Variants in SERPINB10 observed in about 807,000 individuals in gnomAD.
The protein encoded by SERPINB10 is serpin family B member 10.
In SERPINB10, 35 loss-of-function variants were observed where a neutral mutation model predicts 39.1. That is an observed-to-expected ratio of 0.90 (90% CI 0.68 to 1.19). The LOEUF (loss-of-function observed/expected upper bound fraction) is 1.19, where lower values mean the gene tolerates loss of function less well. SERPINB10 is among the 50% of genes most tolerant of loss of function. The pLI, the probability that SERPINB10 is intolerant of heterozygous loss-of-function variation, is 0.00. For synonymous variants in SERPINB10, 190 were observed against 158.1 expected, an observed-to-expected ratio of 1.20 and a Z score of -1.52; for missense variants, 546 against 460.5, an observed-to-expected ratio of 1.19 and a Z score of -1.70.
Position 63,917,973 on chromosome 18 carries a change from CT to C in SERPINB10, c.245del (p.Leu82Ter), listed in dbSNP as rs774038097. ...TTCCTTCTCTTTTAAAGGAATTCAA[CT>C]TGAGCAACTCGGAAGAAATACACTC... Reference protein sequence around the residue: ...SEKKRKMEFNLSNSEEIHSDF... With the variant: ...SEKKRKMEFNXSNSEEIHSDF... On this transcript the variant is annotated frameshift_variant, in exon 4 of 8. Transcript: ENST00000238508. LOFTEE classifies it high-confidence loss of function. 3 of 1,611,518 alleles carry C rather than the reference CT, an allele frequency of 1.9e-6. No individual in the cohort carries two copies. In the Admixed American group the frequency reaches 5.0e-5, roughly 27 times the overall value.
intron 5 of SERPINB10, among the ~76,000 whole-genome samples, chr18:63,928,947 T>C (rs1445456502): frequency 6.6e-6 from 1 of 152,156 alleles, no homozygotes; most frequent in African/African-American, 2.4e-5. Flanking sequence ...TCAATTTCGG[T>C]GGCCTATGTG....
At chr18:63,933,872 C>G (rs928828676) in intron 7 of SERPINB10, among the ~76,000 whole-genome samples, 20 of 152,180 alleles carry the variant, frequency 1.3e-4, no homozygotes, top group Non-Finnish European at 2.2e-4. Flanking sequence ...TGCACAGTGT[C>G]TAATTTTTCA....
intron 5 of SERPINB10, among the ~76,000 whole-genome samples, chr18:63,928,109 A>G (rs2050193459): frequency 6.6e-6 from 1 of 151,818 alleles, no homozygotes; most frequent in African/African-American, 2.4e-5. Context: ...TTGAGATTCT[A>G]TTAATATTTT....
intron 1 of SERPINB10, among the ~76,000 whole-genome samples, chr18:63,911,943 T>A (rs9957913): frequency 0.21 from 31,551 of 149,794 alleles, 3,379 homozygotes; most frequent in Admixed American, 0.31. Context: ...GTATTATTTA[T>A]GATTTTTAGC....
intron 2 of SERPINB10, 45 bp downstream of exon 2, chr18:63,915,723 T>G (rs752059664): frequency 2.7e-6 from 4 of 1,484,020 alleles, no homozygotes; most frequent in Non-Finnish European, 3.7e-6. Context: ...GTAAGCTAAG[T>G]GCTTTCATTG....
At chr18:63,921,693 A>G (rs1410941078) in intron 5 of SERPINB10, among the ~76,000 whole-genome samples, 1 of 151,898 alleles carries the variant, frequency 6.6e-6, no homozygotes, top group Non-Finnish European at 1.5e-5. Context: ...AAACTGATTC[A>G]TGCTGCCCCA....
At chr18:63,921,095 T>C (rs1018663089) in intron 5 of SERPINB10, among the ~76,000 whole-genome samples, 1 of 152,008 alleles carries the variant, frequency 6.6e-6, no homozygotes, top group South Asian at 2.1e-4. Context: ...AACATTTCAA[T>C]TGATATTATA....
At position 63,924,402 on chromosome 18, in the gene SERPINB10, G is replaced by A. The variant is rs1298299055; in HGVS notation, c.490+4497G>A. Among the ~76,000 whole-genome samples, 4 of 151,876 alleles carry A rather than the reference G, an allele frequency of 2.6e-5. No homozygotes were observed. In the East Asian group the frequency reaches 7.8e-4, roughly 29 times the overall value. ...GCTAATGTATTTGTAGCCCATTGCTGGTACCCAGGGAGGTATAGAAAGTCA... is the reference window on the plus strand; with the variant it reads ...GCTAATGTATTTGTAGCCCATTGCTAGTACCCAGGGAGGTATAGAAAGTCA... On this transcript the variant is annotated intron_variant, in intron 5 of 7. Coordinates refer to ENST00000238508, the MANE Select transcript of SERPINB10 (RefSeq NM_005024.3).
rs771293084 is a variant in SERPINB10 at position 63,911,966 on chromosome 18, T to TA, written c.-9-3535dup. Among the ~76,000 whole-genome samples the TA allele has an allele frequency of 2.8e-4, 43 of 152,106 alleles. 1 individual carries two copies. The highest frequency in any genetic ancestry group is 1.5e-3 in the South Asian group (7 of 4,826). On this transcript the variant is annotated intron_variant, in intron 1 of 7. Coordinates refer to ENST00000238508, the MANE Select transcript of SERPINB10 (RefSeq NM_005024.3). ...TATGATTTTTAGCAGTGTTTTTTTT[T>TA]ACCTCACTTTGTAGAGATCTTTCAA...
At chr18:63,929,474 T>C (rs927528127) in intron 5 of SERPINB10, among the ~76,000 whole-genome samples, 2 of 151,934 alleles carry the variant, frequency 1.3e-5, no homozygotes, top group African/African-American at 2.4e-5. Flanking sequence ...ATATTAACAA[T>C]GACATAAAGG....
At chr18:63,915,156 G>C (rs2050092104) in intron 1 of SERPINB10, among the ~76,000 whole-genome samples, 1 of 152,060 alleles carries the variant, frequency 6.6e-6, no homozygotes, top group Non-Finnish European at 1.5e-5. Context: ...GCTTATGCTG[G>C]AGTTGGAAAA....
Position 63,936,105 on chromosome 18 carries a change from A to T in SERPINB10, c.*863A>T, listed in dbSNP as rs1476005168. 6.6e-6 allele frequency: 1 copy of T among 152,244 alleles called. No individual in the cohort carries two copies. The highest frequency in any genetic ancestry group is 2.4e-5 in the African/African-American group (1 of 41,466). The allele number at this position is 152,244 out of a possible 1,614,324, so 9.4% of individuals were successfully genotyped here. ...ATTATTCCAAAATAAAAGTTTTATTAAAAATAGTCATTATGGATGGCTGAA... is the reference window on the plus strand; with the variant it reads ...ATTATTCCAAAATAAAAGTTTTATTTAAAATAGTCATTATGGATGGCTGAA... On this transcript the variant is annotated 3_prime_UTR_variant, in exon 8 of 8. Transcript: ENST00000238508.
intron 4 of SERPINB10, among the ~76,000 whole-genome samples, chr18:63,919,196 C>T (rs2050127710): frequency 6.6e-6 from 1 of 150,780 alleles, no homozygotes; most frequent in Non-Finnish European, 1.5e-5. Flanking sequence ...ATGACTGCCA[C>T]TGGGTGAACA....
rs111925089 is a variant in SERPINB10 at position 63,934,979 on chromosome 18, A to T, written c.931A>T (p.Met311Leu). The T allele has an allele frequency of 1.3e-3, 2,044 of 1,614,200 alleles. 29 individuals carry two copies. The South Asian group carries it at 0.022, about 17-fold the overall frequency. ...CAAGTCAACCCTGAGCAGTATGGGGATGAGTGATGCCTTCAGCCAAAGCAA... is the reference window on the plus strand; with the variant it reads ...CAAGTCAACCCTGAGCAGTATGGGGTTGAGTGATGCCTTCAGCCAAAGCAA... ...DLKSTLSSMG[M>L]SDAFSQSKAD... Residue 311 changes from methionine to leucine, a missense_variant, in exon 8 of 8, where the codon ATG becomes TTG. Met to Leu is a conservative substitution (Grantham distance 15). Transcript: ENST00000238508.
At chr18:63,931,107 A>G (rs1255856532) in intron 6 of SERPINB10, among the ~76,000 whole-genome samples, 1 of 152,180 alleles carries the variant, frequency 6.6e-6, no homozygotes, top group Non-Finnish European at 1.5e-5. Context: ...GTGATAGAAA[A>G]GTATTCCAAA....
chr18:63,911,569 T>C (rs961074892), intron 1 of SERPINB10, among the ~76,000 whole-genome samples: 2 of 151,988 alleles, frequency 1.3e-5, no homozygotes, highest in Non-Finnish European at 2.9e-5. Flanking sequence ...TTTACTTTGG[T>C]AAAGGTTAGA....
chr18:63,925,725 T>C (rs1334294848), intron 5 of SERPINB10, among the ~76,000 whole-genome samples: 1 of 151,960 alleles, frequency 6.6e-6, no homozygotes, highest in Admixed American at 6.6e-5. Flanking sequence ...AGAAGAATGA[T>C]GGAAATAGAA....
At chr18:63,912,155 C>T (rs139306142) in intron 1 of SERPINB10, among the ~76,000 whole-genome samples, 3 of 151,794 alleles carry the variant, frequency 2.0e-5, no homozygotes, top group Non-Finnish European at 1.5e-5. Context: ...TTTACTGAAG[C>T]CATTTTTCGG....
chr18:63,935,299 A>T lies in SERPINB10; in HGVS notation c.*57A>T. On this transcript the variant is annotated 3_prime_UTR_variant, in exon 8 of 8. Coordinates refer to ENST00000238508, the MANE Select transcript of SERPINB10 (RefSeq NM_005024.3). ...CTTACAGTGTGAAAAATGTACCATGAGATGGAAAAGCACAATTTTCACAAA... is the reference window on the plus strand; with the variant it reads ...CTTACAGTGTGAAAAATGTACCATGTGATGGAAAAGCACAATTTTCACAAA... The T allele has an allele frequency of 6.7e-7, 1 of 1,482,738 alleles. No individual in the cohort carries two copies. Among genetic ancestry groups the T allele is most frequent in the Non-Finnish European group, 8.9e-7 (1 of 1,118,608 alleles). 91.8% of individuals were successfully genotyped at this position (1,482,738 alleles called of 1,614,324 possible).
Sources: allele counts gnomAD v4.1 joint callset (sites outside exome capture counted in the v4.1 genomes callset), GRCh38; gene constraint gnomAD v4.1.1; transcripts MANE v1.5; gene names NCBI Gene and HGNC (gene_info 2026-07-23, HGNC 2026-07-21).